Variants in DNAH3 observed in about 807,000 individuals in gnomAD.
DNAH3 encodes axonemal beta dynein heavy chain 3.
DNAH3 carries 332 observed loss-of-function variants against 432.5 expected under a neutral mutation model. The ratio of observed to expected loss-of-function variants is 0.77; its 90% CI spans 0.70 to 0.84. DNAH3 has a LOEUF of 0.84. Ranked by LOEUF, DNAH3 falls within the 40% of genes least tolerant of loss-of-function variation. The pLI is 0.00. For missense variants in DNAH3, 4,861 were observed against 5,114.0 expected, an observed-to-expected ratio of 0.95 and a Z score of 1.51; for synonymous variants, 1,956 against 1,900.2, an observed-to-expected ratio of 1.03 and a Z score of -0.76.
chr16:21,145,232 C>A, exon 3 of DNAH3: 1 of 1,613,164 alleles, frequency 6.2e-7, no homozygotes, highest in Non-Finnish European at 8.5e-7. Context: ...CTGATGGTGG[C>A]CGGTTGGTAG....
intron 58 of DNAH3, among the ~76,000 whole-genome samples, chr16:20,943,892 G>A (rs9928611): frequency 0.18 from 27,236 of 151,896 alleles, 2,570 homozygotes; most frequent in Middle Eastern, 0.24. Flanking sequence ...GCTGAGGCAG[G>A]AGAATTGCTT....
intron 31 of DNAH3, among the ~76,000 whole-genome samples, chr16:21,048,812 G>A (rs960524790): frequency 6.6e-6 from 1 of 151,538 alleles, no homozygotes; most frequent in African/African-American, 2.4e-5. Flanking sequence ...TCCTGCTTCA[G>A]CCTCCCGAGT....
intron 24 of DNAH3, among the ~76,000 whole-genome samples, chr16:21,066,894 T>A (rs909349996): frequency 7.2e-5 from 11 of 152,192 alleles, no homozygotes; most frequent in Admixed American, 2.0e-4. Context: ...CATTATTATA[T>A]CCCAAATTTA....
chr16:20,941,289 C>T (rs762372315), intron 59 of DNAH3, 112 bp downstream of exon 59: 181 of 1,296,410 alleles, frequency 1.4e-4, no homozygotes, highest in African/African-American at 2.9e-4. Flanking sequence ...ACCCCTAATA[C>T]GGGTGGGGCA....
At position 21,132,828 on chromosome 16, in the gene DNAH3, CTT is replaced by C. The variant is rs1168154720; in HGVS notation, c.1082+1429_1082+1430del. Among the ~76,000 whole-genome samples, 7 of 151,998 alleles carry C rather than the reference CTT, an allele frequency of 4.6e-5. No homozygotes were observed. In the South Asian group the frequency reaches 1.0e-3, roughly 23 times the overall value. ...TAGACAGTGGTAAGGATTAAACAAA[CTT>C]GTGAATATATTAAAAACTTGCATTG... is the stretch of plus-strand genomic sequence containing the variant. On this transcript the variant is annotated intron_variant, in intron 7 of 61. Transcript: ENST00000261383.
rs1248187933 is a variant in DNAH3, at chr16:21,146,102, G to A, written c.118-14C>T. The A allele has an allele frequency of 7.6e-6, 12 of 1,576,488 alleles. No individual in the cohort carries two copies. Among genetic ancestry groups the A allele is most frequent in the Non-Finnish European group, 1.0e-5 (12 of 1,146,158 alleles). Reference sequence around the variant, plus strand: ...ACTTTTGGCGATCTGTGGGACATGGGAACAAAGTCACCCTTCAAAAATTAG... The same window carrying A: ...ACTTTTGGCGATCTGTGGGACATGGAAACAAAGTCACCCTTCAAAAATTAG... On this transcript the variant is annotated splice_polypyrimidine_tract_variant and intron_variant, in intron 1 of 61. Transcript: ENST00000261383.
At chr16:21,140,472 G>C (rs2092704441) in intron 5 of DNAH3, 64 bp downstream of exon 6, 3 of 1,516,350 alleles carry the variant, frequency 2.0e-6, no homozygotes, top group East Asian at 2.3e-5. Context: ...CCTGAATTTA[G>C]AATCACTGAG....
intron 44 of DNAH3, among the ~76,000 whole-genome samples, chr16:20,993,893 C>A (rs574484750): frequency 6.6e-6 from 1 of 152,152 alleles, no homozygotes; most frequent in African/African-American, 2.4e-5. Flanking sequence ...TGTTTATTAG[C>A]GTATGCCTTG....
chr16:21,154,047 C>A (rs78847386), intron 1 of DNAH3, among the ~76,000 whole-genome samples: 3,081 of 152,264 alleles, frequency 0.02, 64 homozygotes, highest in Non-Finnish European at 0.031. Context: ...TATCAGGTCT[C>A]CTATACTGGG....
At chr16:21,007,680 T>C (rs764969911) in intron 41 of DNAH3, among the ~76,000 whole-genome samples, 3 of 152,218 alleles carry the variant, frequency 2.0e-5, no homozygotes, top group Non-Finnish European at 2.9e-5. Flanking sequence ...GATGTTGTCC[T>C]TTGAAGCACG....
intron 20 of DNAH3, among the ~76,000 whole-genome samples, chr16:21,077,811 C>T (rs946682495): frequency 7.2e-5 from 11 of 152,168 alleles, no homozygotes; most frequent in African/African-American, 2.7e-4. Context: ...GATATTTACT[C>T]ATAGGTCAGG....
At chr16:21,113,736 G>A (rs1393690117) in intron 12 of DNAH3, among the ~76,000 whole-genome samples, 13 of 152,194 alleles carry the variant, frequency 8.5e-5, no homozygotes, top group Non-Finnish European at 1.5e-4. Context: ...TAGGATTACA[G>A]GCATGCATCA....
At chr16:20,948,455 G>C (rs2084154780) in intron 57 of DNAH3, 28 bp downstream of exon 57, 1 of 1,607,438 alleles carries the variant, frequency 6.2e-7, no homozygotes, top group South Asian at 1.1e-5. Flanking sequence ...GTGGGGGAAA[G>C]AGGTAGGCCT....
At chr16:20,965,005 C>G in exon 53 of DNAH3, 1 of 1,614,126 alleles carries the variant, frequency 6.2e-7, no homozygotes, top group Non-Finnish European at 8.5e-7. Flanking sequence ...CTTTTGGGAG[C>G]AGATTTCAAT....
intron 3 of DNAH3, among the ~76,000 whole-genome samples, chr16:21,141,629 G>T (rs181133190): frequency 6.6e-6 from 1 of 152,182 alleles, no homozygotes; most frequent in African/African-American, 2.4e-5. Context: ...TCTTCCATTC[G>T]TTCATACATT....
At chr16:20,970,166 C>T (rs535785359) in intron 51 of DNAH3, among the ~76,000 whole-genome samples, 176 bp from the exon 52 acceptor site, 23 of 152,302 alleles carry the variant, frequency 1.5e-4, no homozygotes, top group African/African-American at 5.3e-4. Context: ...AACCAGCAGC[C>T]GGAACACATG....
At chr16:21,002,450 A>G (rs932249552) in intron 42 of DNAH3, among the ~76,000 whole-genome samples, 24 of 145,082 alleles carry the variant, frequency 1.7e-4, no homozygotes, top group Admixed American at 8.1e-4. Flanking sequence ...TGTTGTTATT[A>G]TTATTATTAT....
intron 21 of DNAH3, among the ~76,000 whole-genome samples, chr16:21,072,236 A>ATTTATTT (rs148820116): frequency 0.22 from 33,133 of 147,490 alleles, 3,803 homozygotes; most frequent in East Asian, 0.44. Context: ...TTAATTAATT[A>ATTTATTT]ATTAATTTTA....
intron 1 of DNAH3, among the ~76,000 whole-genome samples, chr16:21,150,062 C>T (rs1010474383): frequency 1.3e-5 from 2 of 151,850 alleles, no homozygotes; most frequent in South Asian, 4.2e-4. Flanking sequence ...CCTGTCTCCA[C>T]TAAAAATACA....
Sources: allele counts gnomAD v4.1 joint callset (sites outside exome capture counted in the v4.1 genomes callset), GRCh38; gene constraint gnomAD v4.1.1; transcripts MANE v1.5; gene names NCBI Gene and HGNC (gene_info 2026-07-23, HGNC 2026-07-21).